EXO1: variants seen among roughly 807,000 people sequenced by gnomAD.
EXO1 encodes the protein exonuclease 1.
Under a neutral mutation model 84.5 loss-of-function variants are expected in EXO1, and 69 were observed. That is an observed-to-expected ratio of 0.82 (90% CI 0.67 to 1.00). The LOEUF is 1.00. EXO1 is among the 50% of genes least tolerant of loss of function. The pLI is 0.00. For missense variants in EXO1, 1,045 were observed against 1,000.7 expected, an observed-to-expected ratio of 1.04 and a Z score of -0.60; for synonymous variants, 373 against 366.1, an observed-to-expected ratio of 1.02 and a Z score of -0.21.
intron 3 of EXO1, 53 bp from the exon 4 acceptor site, chr1:241,850,356 T>C (rs1201510073): frequency 5.0e-6 from 6 of 1,206,652 alleles, no homozygotes; most frequent in Non-Finnish European, 7.4e-6. Context: ...GATGTTTTAA[T>C]AAATGTATTT....
intron 8 of EXO1, among the ~76,000 whole-genome samples, chr1:241,859,463 A>G (rs577166056): frequency 5.6e-4 from 86 of 152,340 alleles, no homozygotes; most frequent in African/African-American, 2.0e-3. Context: ...AATACTGTAT[A>G]AAATTACCTT....
chr1:241,859,480 A>G (rs1316174210), intron 8 of EXO1, among the ~76,000 whole-genome samples: 1 of 152,194 alleles, frequency 6.6e-6, no homozygotes, highest in African/African-American at 2.4e-5. Context: ...CCTTCAGTCT[A>G]TGTGTGTAAG....
intron 12 of EXO1, 131 bp from the exon 13 acceptor site, chr1:241,878,618 T>C (rs1662544822): frequency 4.8e-6 from 3 of 626,484 alleles, no homozygotes; most frequent in African/African-American, 1.8e-5. Flanking sequence ...TTTTTATGCC[T>C]TTATGAAATT....
At chr1:241,877,787 T>C (rs1317324206) in intron 12 of EXO1, among the ~76,000 whole-genome samples, 2 of 149,534 alleles carry the variant, frequency 1.3e-5, no homozygotes, top group Non-Finnish European at 3.0e-5. Context: ...TTATGATTGA[T>C]TTGAAAGAAA....
chr1:241,887,631 T>A (rs1663141183), intron 15 of EXO1, among the ~76,000 whole-genome samples: 1 of 152,082 alleles, frequency 6.6e-6, no homozygotes, highest in Non-Finnish European at 1.5e-5. Flanking sequence ...TCATTTTATT[T>A]GTTTGTTTAT....
chr1:241,849,516 A>G (rs568312605), intron 3 of EXO1, among the ~76,000 whole-genome samples: 2 of 152,390 alleles, frequency 1.3e-5, no homozygotes, highest in East Asian at 3.9e-4. Context: ...GGTAGCTTTC[A>G]GAGAGGCTGA....
intron 12 of EXO1, among the ~76,000 whole-genome samples, chr1:241,877,833 T>C (rs553318884): frequency 2.4e-4 from 37 of 152,280 alleles, no homozygotes; most frequent in African/African-American, 8.2e-4. Context: ...TATAGAAGTT[T>C]ATAGGGTATA....
intron 7 of EXO1, among the ~76,000 whole-genome samples, chr1:241,858,183 G>C (rs554270267): frequency 6.6e-6 from 1 of 152,186 alleles, no homozygotes; most frequent in Non-Finnish European, 1.5e-5. Flanking sequence ...GACAGAGAAA[G>C]AGAAAATGTT....
At chr1:241,882,450 T>C (rs1662828642) in intron 14 of EXO1, among the ~76,000 whole-genome samples, 1 of 152,182 alleles carries the variant, frequency 6.6e-6, no homozygotes, top group Non-Finnish European at 1.5e-5. Context: ...TTAACATTGA[T>C]ACATACTGCC....
At chr1:241,860,858 T>C (rs978827416) in intron 9 of EXO1, among the ~76,000 whole-genome samples, 154 bp downstream of exon 9, 4 of 152,226 alleles carry the variant, frequency 2.6e-5, no homozygotes, top group South Asian at 2.1e-4. Context: ...TAAATTACCA[T>C]GCTAGTGAAA....
Position 241,879,053 on chromosome 1 carries a change from A to G in EXO1, c.1819A>G (p.Ser607Gly). The change falls in exon 13 of 16, where the codon AGT becomes GGT. Residue 607 changes from serine to glycine, a missense_variant. Coordinates refer to ENST00000366548, the MANE Select transcript of EXO1 (RefSeq NM_130398.4). ...ACCACCCACTTTGGGAACACTAAGA[A>G]GTTGTTTTAGTTGGTCTGGAGGTCT... ...ISPPTLGTLR[S>G]CFSWSGGLGD... 6.2e-7 allele frequency: 1 copy of G among 1,614,196 alleles called. No homozygotes were observed. The highest frequency in any genetic ancestry group is 1.3e-5 in the African/African-American group (1 of 75,046).
chr1:241,877,672 A>G (rs1413689153), intron 12 of EXO1, among the ~76,000 whole-genome samples: 1 of 151,758 alleles, frequency 6.6e-6, no homozygotes, highest in African/African-American at 2.4e-5. Context: ...AAACCTAAAA[A>G]CTCTCTTTGC....
At chr1:241,874,509 G>A (rs1313048079) in intron 12 of EXO1, among the ~76,000 whole-genome samples, 1 of 152,244 alleles carries the variant, frequency 6.6e-6, no homozygotes, top group Non-Finnish European at 1.5e-5. Context: ...AGAGTGGGCT[G>A]AAGAGGGCCA....
intron 10 of EXO1, among the ~76,000 whole-genome samples, chr1:241,862,750 G>C (rs530962539): frequency 7.2e-5 from 11 of 152,254 alleles, no homozygotes; most frequent in African/African-American, 2.6e-4. Context: ...TGGAAAACTT[G>C]GAAATAAACT....
At position 241,860,614 on chromosome 1, in the gene EXO1, A is replaced by T. The variant is rs1196802915; in HGVS notation, c.854A>T (p.Gln285Leu). ...FIRANNTFLY[Q>L]LVFDPIKRKL... is the part of the protein sequence containing the mutation. ...CGGGCCAACAATACCTTCCTCTATC[A>T]GCTAGTTTTTGATCCCATCAAAAGG... Residue 285 changes from glutamine (Q) to leucine (L), a missense_variant, in exon 9 of 16, where the codon CAG (glutamine) becomes CTG (leucine). Coordinates refer to ENST00000366548, the MANE Select transcript of EXO1 (RefSeq NM_130398.4). The T allele has an allele frequency of 6.2e-7, 1 of 1,613,886 alleles. No homozygotes were observed. Among genetic ancestry groups the T allele is most frequent in the South Asian group, 1.1e-5 (1 of 91,078 alleles).
chr1:241,867,582 G>GT (rs1340597314), intron 11 of EXO1, among the ~76,000 whole-genome samples: 1 of 151,798 alleles, frequency 6.6e-6, no homozygotes, highest in East Asian at 1.9e-4. Flanking sequence ...TTTTGAGTTA[G>GT]TTTTTTTAAT....
Position 241,889,608 on chromosome 1 carries a change from C to G in EXO1, c.*8C>G, listed in dbSNP as rs762634823. 1.2e-6 allele frequency: 2 copies of G among 1,613,838 alleles called. No individual in the cohort carries two copies. The highest frequency in any genetic ancestry group is 1.7e-6 in the Non-Finnish European group (2 of 1,179,782). On this transcript the variant is annotated 3_prime_UTR_variant, in exon 16 of 16. Coordinates refer to ENST00000366548, the MANE Select transcript of EXO1 (RefSeq NM_130398.4). Reference sequence around the variant, plus strand: ...AGAGCAATATTCCAGTAAATGCAGACTGCTGCAAAGCTTTTGCCTGCAAGA... The same window carrying G: ...AGAGCAATATTCCAGTAAATGCAGAGTGCTGCAAAGCTTTTGCCTGCAAGA...
chr1:241,869,659 G>T (rs1048062500), intron 11 of EXO1, among the ~76,000 whole-genome samples: 5 of 152,010 alleles, frequency 3.3e-5, no homozygotes, highest in Non-Finnish European at 7.4e-5. Flanking sequence ...GAAATAAAAG[G>T]TTTTTGTGTA....
At chr1:241,853,206 G>A in intron 5 of EXO1, 152 bp from the exon 6 acceptor site, 1 of 728,452 alleles carries the variant, frequency 1.4e-6, no homozygotes, top group South Asian at 1.6e-5. Context: ...TAAAGCATCT[G>A]GGTTAATGTT....
Sources: gnomAD v4.1 joint callset for allele counts (sites outside exome capture counted in the v4.1 genomes callset) on GRCh38, gnomAD v4.1.1 for gene constraint, MANE v1.5 for transcripts, NCBI Gene and HGNC (gene_info 2026-07-23, HGNC 2026-07-21) for gene names.